Variants in CMSS1 observed in about 807,000 individuals in gnomAD.
CMSS1 encodes protein CMSS1.
A neutral mutation model predicts 43.5 loss-of-function variants in CMSS1; 33 were observed. The observed-to-expected ratio is 0.76, with a 90% confidence interval of 0.57 to 1.01. CMSS1 has a LOEUF of 1.01. Ranked by LOEUF, CMSS1 falls within the 50% of genes least tolerant of loss-of-function variation. The probability of loss-of-function intolerance (pLI) is 0.00; values close to 1 mark genes in which losing one functional copy is unlikely to be tolerated. For missense variants in CMSS1, 313 were observed against 326.4 expected (o/e 0.96, Z 0.32); for synonymous variants, 115 against 117.2 (o/e 0.98, Z 0.12).
chr3:99,909,585 G>A (rs1434176099), intron 1 of CMSS1, among the ~76,000 whole-genome samples: 1 of 152,136 alleles, frequency 6.6e-6, no homozygotes, highest in Non-Finnish European at 1.5e-5. Context: ...TAGAGTAAGA[G>A]AATGAGTAGA....
intron 1 of CMSS1, among the ~76,000 whole-genome samples, chr3:100,039,134 A>G (rs776013334): frequency 6.6e-6 from 1 of 152,232 alleles, no homozygotes; most frequent in Non-Finnish European, 1.5e-5. Flanking sequence ...TATTGAAATT[A>G]TCATCATCTA....
chr3:99,831,059 G>C (rs916849784), intron 1 of CMSS1, among the ~76,000 whole-genome samples: 1 of 152,168 alleles, frequency 6.6e-6, no homozygotes, highest in East Asian at 1.9e-4. Context: ...ATGATTAGTG[G>C]AACAGCTTGG....
chr3:100,172,010 A>T (rs1261879279), intron 7 of CMSS1, 111 bp downstream of exon 7: 2 of 839,378 alleles, frequency 2.4e-6, no homozygotes, highest in Non-Finnish European at 3.8e-6. Flanking sequence ...TTCCTTCCTT[A>T]TGTAACATTT....
At chr3:99,876,463 A>T (rs1433858886) in intron 1 of CMSS1, among the ~76,000 whole-genome samples, 1 of 152,212 alleles carries the variant, frequency 6.6e-6, no homozygotes, top group Non-Finnish European at 1.5e-5. Context: ...ATCCGCTTGT[A>T]ACTTTTTTCC....
chr3:99,931,656 A>G (rs1707487178), intron 1 of CMSS1, among the ~76,000 whole-genome samples: 1 of 152,164 alleles, frequency 6.6e-6, no homozygotes, highest in Non-Finnish European at 1.5e-5. Context: ...CATTCTTCTA[A>G]AATTCTAGAT....
intron 1 of CMSS1, among the ~76,000 whole-genome samples, chr3:100,062,212 G>T (rs2065583644): frequency 6.9e-6 from 1 of 145,584 alleles, no homozygotes; most frequent in African/African-American, 2.6e-5. Context: ...CCCGGGTTCA[G>T]GCCATTCTCC....
rs111613837 is a variant in CMSS1 at position 100,162,040 on chromosome 3, T to C, written c.226-263T>C. ...AGAAAATAATACCCCAGTATGGAGATGCCTGCAAAAATTTAGTTATCTTGG... is the reference window on the plus strand; with the variant it reads ...AGAAAATAATACCCCAGTATGGAGACGCCTGCAAAAATTTAGTTATCTTGG... On this transcript the variant is annotated intron_variant, in intron 3 of 9. Coordinates refer to ENST00000421999, the MANE Select transcript of CMSS1 (RefSeq NM_032359.4). 8.1e-4 allele frequency among the ~76,000 whole-genome samples: 124 copies of C among 152,330 alleles called. 1 individual carries two copies. Among genetic ancestry groups the C allele is most frequent in the African/African-American group, 2.8e-3 (118 of 41,578 alleles).
At chr3:99,971,333 CAAA>C (rs34655586) in intron 1 of CMSS1, among the ~76,000 whole-genome samples, 4 of 121,506 alleles carry the variant, frequency 3.3e-5, no homozygotes, top group Admixed American at 8.6e-5. Flanking sequence ...GAGCCCATCT[CAAA>C]AAAAAAAAAA....
chr3:99,843,131 TG>T (rs1576502672), intron 1 of CMSS1, among the ~76,000 whole-genome samples: 1 of 152,250 alleles, frequency 6.6e-6, no homozygotes, highest in African/African-American at 2.4e-5. Context: ...TGCTTCACTG[TG>T]CCATAAGTTG....
intron 1 of CMSS1, among the ~76,000 whole-genome samples, chr3:100,021,045 G>T (rs142582276): frequency 1.3e-5 from 2 of 152,168 alleles, no homozygotes; most frequent in Non-Finnish European, 2.9e-5. Flanking sequence ...GATTACAGGC[G>T]TGAGCCACCA....
intron 1 of CMSS1, among the ~76,000 whole-genome samples, chr3:99,949,704 A>G (rs1039131704): frequency 3.9e-5 from 6 of 152,262 alleles, no homozygotes; most frequent in Non-Finnish European, 7.3e-5. Context: ...AAAGGTGATT[A>G]GAGTTGCACA....
chr3:100,033,335 G>A (rs559836018), intron 1 of CMSS1, among the ~76,000 whole-genome samples: 47 of 152,142 alleles, frequency 3.1e-4, no homozygotes, highest in African/African-American at 9.2e-4. Context: ...CACCTCTATC[G>A]AGTGGCAGCC....
At chr3:100,044,663 G>T (rs2065252427) in intron 1 of CMSS1, among the ~76,000 whole-genome samples, 1 of 152,192 alleles carries the variant, frequency 6.6e-6, no homozygotes, top group Non-Finnish European at 1.5e-5. Flanking sequence ...TCTTTTCTAA[G>T]AGCAATGAGT....
At chr3:99,973,076 A>G (rs1262920762) in intron 1 of CMSS1, among the ~76,000 whole-genome samples, 1 of 152,206 alleles carries the variant, frequency 6.6e-6, no homozygotes, top group Non-Finnish European at 1.5e-5. Context: ...GGAACAATGG[A>G]TGGAATGACA....
chr3:100,006,131 ACT>A (rs969252726), intron 1 of CMSS1, among the ~76,000 whole-genome samples: 19 of 151,952 alleles, frequency 1.3e-4, no homozygotes, highest in African/African-American at 4.3e-4. Context: ...CAGTTATAAA[ACT>A]CTGTGGGATG....
At chr3:100,082,020 C>T (rs1437267725) in intron 1 of CMSS1, among the ~76,000 whole-genome samples, 3 of 152,140 alleles carry the variant, frequency 2.0e-5, no homozygotes. Context: ...AAAACTGTTC[C>T]AGTATCTTAT....
intron 1 of CMSS1, among the ~76,000 whole-genome samples, chr3:100,116,625 C>A (rs1052191492): frequency 6.6e-6 from 1 of 152,180 alleles, no homozygotes; most frequent in Non-Finnish European, 1.5e-5. Flanking sequence ...CACAAACACA[C>A]ACGCGCGCCT....
intron 1 of CMSS1, chr3:99,833,102 A>G: frequency 1.4e-6 from 1 of 737,804 alleles, no homozygotes; most frequent in Non-Finnish European, 2.3e-6. Context: ...ATCAAAGAGC[A>G]GATGTCTTGG....
chr3:99,951,959 ATAAG>A (rs1360737014), intron 1 of CMSS1, among the ~76,000 whole-genome samples: 3 of 152,248 alleles, frequency 2.0e-5, no homozygotes, highest in Non-Finnish European at 4.4e-5. Flanking sequence ...GAGAGAACCT[ATAAG>A]TAAGTCAATC....
Sources: gnomAD v4.1 joint callset for allele counts (sites outside exome capture counted in the v4.1 genomes callset) on GRCh38, gnomAD v4.1.1 for gene constraint, MANE v1.5 for transcripts, NCBI Gene and HGNC (gene_info 2026-07-23, HGNC 2026-07-21) for gene names.